The following MMP26 variants were observed in gnomAD, a reference collection of about 807,000 sequenced individuals.
MMP26 encodes matrix metallopeptidase 26.
A neutral mutation model predicts 31.0 loss-of-function variants in MMP26; 33 were observed. The observed-to-expected ratio is 1.06, with a 90% CI of 0.81 to 1.42. MMP26 has a LOEUF of 1.42. Ranked by LOEUF, MMP26 falls within the 40% of genes most tolerant of loss-of-function variation. MMP26 has a pLI of 0.00. For missense variants in MMP26, 347 were observed against 316.1 expected (o/e 1.10, Z -0.74); for synonymous variants, 122 against 114.9 (o/e 1.06, Z -0.40).
At chr11:4,742,089 G>C (rs775657781) in intron 1 of MMP26, among the ~76,000 whole-genome samples, 1 of 152,182 alleles carries the variant, frequency 6.6e-6, no homozygotes, top group Non-Finnish European at 1.5e-5. Flanking sequence ...GCAGTGGTGA[G>C]TTTCCAATGC....
chr11:4,914,763 T>G, intron 2 of MMP26: 5 of 1,613,836 alleles, frequency 3.1e-6, no homozygotes, highest in Non-Finnish European at 4.2e-6. Context: ...ATCTGTTTGG[T>G]CTTCACACTG....
chr11:4,922,236 T>C (rs762876944), intron 2 of MMP26, among the ~76,000 whole-genome samples: 1 of 152,216 alleles, frequency 6.6e-6, no homozygotes, highest in Non-Finnish European at 1.5e-5. Context: ...TTCTTCATGG[T>C]GAATTTCACA....
At chr11:4,749,870 G>A (rs1053301913) in intron 1 of MMP26, among the ~76,000 whole-genome samples, 11 of 152,108 alleles carry the variant, frequency 7.2e-5, no homozygotes, top group Non-Finnish European at 5.9e-5. Context: ...ATTTGCCTTG[G>A]CAAGGAGTTC....
rs150734285 is a variant in MMP26 at position 4,791,436 on chromosome 11, T to C, written c.-145+24095T>C. Among the ~76,000 whole-genome samples, 270 of 152,302 alleles carry C rather than the reference T, an allele frequency of 1.8e-3. 3 individuals carry two copies. The highest frequency in any genetic ancestry group is 7.0e-3 in the East Asian group (36 of 5,172). On this transcript the variant is annotated intron_variant, in intron 2 of 7. Coordinates refer to ENST00000380390, the MANE Select transcript of MMP26 (RefSeq NM_021801.5). Reference sequence around the variant, plus strand: ...AGTTGTGCCCGAACCTTGATCTCTGTTGGAGTGTTGAGGTCTTGCCCTCAT... The same window carrying C: ...AGTTGTGCCCGAACCTTGATCTCTGCTGGAGTGTTGAGGTCTTGCCCTCAT...
intron 1 of MMP26, among the ~76,000 whole-genome samples, chr11:4,748,494 A>G (rs1333864426): frequency 6.6e-6 from 1 of 151,970 alleles, no homozygotes; most frequent in Non-Finnish European, 1.5e-5. Context: ...ACATGAAAAT[A>G]AAACTACAGA....
At chr11:4,789,777 T>C (rs1426765156) in intron 2 of MMP26, among the ~76,000 whole-genome samples, 1 of 151,518 alleles carries the variant, frequency 6.6e-6, no homozygotes, top group Non-Finnish European at 1.5e-5. Flanking sequence ...CCTGACCTTG[T>C]GATATGCCCG....
chr11:4,865,448 C>A (rs1850220670), intron 2 of MMP26, among the ~76,000 whole-genome samples: 1 of 151,740 alleles, frequency 6.6e-6, no homozygotes, highest in Non-Finnish European at 1.5e-5. Flanking sequence ...AAGATATGAA[C>A]CAAAAAAACT....
At chr11:4,846,111 C>T (rs1849862989) in intron 2 of MMP26, among the ~76,000 whole-genome samples, 1 of 152,282 alleles carries the variant, frequency 6.6e-6, no homozygotes, top group Admixed American at 6.5e-5. Context: ...CCCATGTTTG[C>T]TGCAGCATGG....
chr11:4,858,420 T>G (rs1850089609), intron 2 of MMP26, among the ~76,000 whole-genome samples: 1 of 152,132 alleles, frequency 6.6e-6, no homozygotes, highest in Non-Finnish European at 1.5e-5. Flanking sequence ...CAAGCATTCC[T>G]ATACACCAAT....
chr11:4,740,591 G>T (rs1848299274), intron 1 of MMP26, among the ~76,000 whole-genome samples: 2 of 151,394 alleles, frequency 1.3e-5, no homozygotes, highest in South Asian at 4.2e-4. Context: ...GCCGAGGCAG[G>T]AGAATCTCTT....
chr11:4,781,553 C>CAAAAA (rs780005906), intron 2 of MMP26, among the ~76,000 whole-genome samples: 3 of 15,192 alleles, frequency 2.0e-4, no homozygotes, highest in South Asian at 2.5e-3. Flanking sequence ...GACTCCGTCT[C>CAAAAA]AAAAAAAAAA....
chr11:4,811,015 A>T (rs896146345), intron 2 of MMP26, among the ~76,000 whole-genome samples: 2 of 152,226 alleles, frequency 1.3e-5, no homozygotes, highest in African/African-American at 4.8e-5. Context: ...TATATGATAG[A>T]TGGTAATGAT....
chr11:4,883,950 C>G (rs549946870), intron 2 of MMP26, among the ~76,000 whole-genome samples: 1 of 152,200 alleles, frequency 6.6e-6, no homozygotes, highest in African/African-American at 2.4e-5. Flanking sequence ...CCACCTCTCT[C>G]CTCCCCTTAT....
At chr11:4,781,866 G>A (rs1439348131) in intron 2 of MMP26, among the ~76,000 whole-genome samples, 1 of 152,134 alleles carries the variant, frequency 6.6e-6, no homozygotes, top group African/African-American at 2.4e-5. Flanking sequence ...TTGATAAGGG[G>A]AAACCCTTTT....
intron 2 of MMP26, among the ~76,000 whole-genome samples, chr11:4,838,315 TAAAAAAAAAAAAAAAAAAAAAAAAAAAA>T (rs540572047): frequency 7.3e-5 from 2 of 27,418 alleles, no homozygotes; most frequent in South Asian, 3.4e-3. Flanking sequence ...AGACTCTGTC[TAAAAAAAAAAAAAAAAAAAAAAAAAAAA>T]AAAAAAAAAA....
Position 4,826,282 on chromosome 11 carries a change from G to A in MMP26, c.-145+58941G>A, listed in dbSNP as rs184167564. Among the ~76,000 whole-genome samples, 72 of 152,190 alleles carry A rather than the reference G, an allele frequency of 4.7e-4. 1 individual carries two copies. Among genetic ancestry groups the A allele is most frequent in the African/African-American group, 1.6e-3 (68 of 41,524 alleles). On this transcript the variant is annotated intron_variant, in intron 2 of 7. Coordinates refer to ENST00000380390, the MANE Select transcript of MMP26 (RefSeq NM_021801.5). ...ACTGTTCTTTCTAGGAGTATAATGCGTTTCCATGTGTGGCTGTACCTGGGG... is the reference window on the plus strand; with the variant it reads ...ACTGTTCTTTCTAGGAGTATAATGCATTTCCATGTGTGGCTGTACCTGGGG...
intron 2 of MMP26, among the ~76,000 whole-genome samples, chr11:4,828,182 G>A (rs1239612042): frequency 2.6e-5 from 4 of 152,126 alleles, no homozygotes; most frequent in African/African-American, 9.7e-5. Flanking sequence ...GGAATGTGAG[G>A]AAGCAGTGCT....
At position 4,989,780 on chromosome 11, in the gene MMP26, C is replaced by T. The variant is rs369210139; in HGVS notation, c.232C>T (p.His78Tyr). ...LLDMQMHALL[H>Y]QPHCGVPDGS... is the part of the protein sequence containing the mutation. ...TGACATGCAGATGCATGCTCTGCTA[C>T]ACCAGCCCCACTGTGGGGTGCCTGA... is the stretch of plus-strand genomic sequence containing the variant. Residue 78 changes from histidine (H) to tyrosine (Y), a missense_variant, in exon 4 of 8, where the codon CAC becomes TAC. Physicochemically the swap from His to Tyr is moderately conservative, Grantham distance 83. Transcript: ENST00000380390. 1 of 1,613,904 alleles carries T rather than the reference C, an allele frequency of 6.2e-7. No homozygotes were observed. Among genetic ancestry groups the T allele is most frequent in the African/African-American group, 1.3e-5 (1 of 75,046 alleles).
At chr11:4,990,008 A>T (rs185283214) in intron 4 of MMP26, 140 bp downstream of exon 4, 297 of 645,366 alleles carry the variant, frequency 4.6e-4, no homozygotes, top group Non-Finnish European at 6.7e-4. Flanking sequence ...TCCCTCAGAG[A>T]AGGTAATACT....
Sources: gnomAD v4.1 joint callset for allele counts (sites outside exome capture counted in the v4.1 genomes callset) on GRCh38, gnomAD v4.1.1 for gene constraint, MANE v1.5 for transcripts, NCBI Gene and HGNC (gene_info 2026-07-23, HGNC 2026-07-21) for gene names.